Variants in HPCAL1 observed in about 807,000 individuals in gnomAD.
The protein encoded by HPCAL1 is hippocalcin like 1.
HPCAL1 carries 8 observed loss-of-function variants against 17.1 expected under a neutral mutation model. The observed-to-expected ratio is 0.47, with a 90% CI of 0.27 to 0.84. The LOEUF (loss-of-function observed/expected upper bound fraction) is 0.84, where lower values mean the gene tolerates loss of function less well. HPCAL1 is among the 40% of genes least tolerant of loss of function. The probability of loss-of-function intolerance (pLI) is 0.13; values close to 1 mark genes in which losing one functional copy is unlikely to be tolerated. For missense variants in HPCAL1, 165 were observed against 271.1 expected (o/e 0.61, Z 2.75); for synonymous variants, 112 against 111.4 (o/e 1.01, Z -0.03).
intron 1 of HPCAL1, among the ~76,000 whole-genome samples, chr2:10,334,147 C>T (rs959627042): frequency 6.6e-6 from 1 of 152,120 alleles, no homozygotes; most frequent in African/African-American, 2.4e-5. Context: ...TACACATGTG[C>T]GTAACCTTAA....
rs181084592 is a variant in HPCAL1 at position 10,387,168 on chromosome 2, G to A, written c.-110-9667G>A. 6.6e-5 allele frequency among the ~76,000 whole-genome samples: 10 copies of A among 152,372 alleles called. No individual in the cohort carries two copies. In the East Asian group the frequency reaches 9.6e-4, roughly 15 times the overall value. ...CAGTCAAGGGCTCCTGAGGGGACCC[G>A]TAAGTGCCACATTCAGCCTTCTGTG... On this transcript the variant is annotated intron_variant, in intron 1 of 4. Coordinates refer to ENST00000307845, the MANE Select transcript of HPCAL1 (RefSeq NM_002149.4).
At chr2:10,409,547 T>C (rs1670196619) in intron 2 of HPCAL1, among the ~76,000 whole-genome samples, 1 of 152,158 alleles carries the variant, frequency 6.6e-6, no homozygotes, top group Admixed American at 6.5e-5. Flanking sequence ...GGAGAGGGGC[T>C]TAGCTGCAGG....
intron 1 of HPCAL1, among the ~76,000 whole-genome samples, chr2:10,318,979 T>A (rs1663500065): frequency 6.6e-6 from 1 of 152,206 alleles, no homozygotes; most frequent in Middle Eastern, 3.2e-3. Context: ...TCCTCATCTG[T>A]GAAATGGGAA....
chr2:10,404,091 G>A (rs1262949094), intron 2 of HPCAL1, among the ~76,000 whole-genome samples: 1 of 152,150 alleles, frequency 6.6e-6, no homozygotes, highest in African/African-American at 2.4e-5. Context: ...ACCCATGAAG[G>A]TACATGCAGA....
intron 1 of HPCAL1, among the ~76,000 whole-genome samples, chr2:10,375,988 G>A (rs538158491): frequency 2.0e-5 from 3 of 152,342 alleles, no homozygotes; most frequent in Non-Finnish European, 4.4e-5. Flanking sequence ...TTGGATCAGG[G>A]GGGCAGATTC....
At chr2:10,426,611 C>G (rs1671424028) in intron 4 of HPCAL1, 113 bp from the exon 5 acceptor site, 1 of 825,754 alleles carries the variant, frequency 1.2e-6, no homozygotes, top group Non-Finnish European at 2.1e-6. Flanking sequence ...TTCAAGAAGG[C>G]TCAGGACTTT....
chr2:10,399,401 C>G lies in HPCAL1; in HGVS notation c.-25+2481C>G, dbSNP rs1342669377. On this transcript the variant is annotated intron_variant, in intron 2 of 4. Transcript: ENST00000307845. ...CCACCACCACCACCACCACCATCAC[C>G]ACCACCACCACCACCACCACCATCA... is the stretch of plus-strand genomic sequence containing the variant. 8.2e-5 allele frequency among the ~76,000 whole-genome samples: 9 copies of G among 110,052 alleles called. No homozygotes were observed. The East Asian group carries it at 2.2e-3, about 26-fold the overall frequency. 72.2% of individuals were successfully genotyped at this position (110,052 alleles called of 152,430 possible).
chr2:10,419,176 A>G lies in HPCAL1; in HGVS notation c.-24-558A>G, dbSNP rs1218462753. Among the ~76,000 whole-genome samples the G allele has an allele frequency of 6.8e-6, 1 of 147,530 alleles. No individual in the cohort carries two copies. The highest frequency in any genetic ancestry group is 1.5e-5 in the Non-Finnish European group (1 of 67,554). On this transcript the variant is annotated intron_variant, in intron 2 of 4. Coordinates refer to ENST00000307845, the MANE Select transcript of HPCAL1 (RefSeq NM_002149.4). The surrounding 1 kb of genome is among the most constrained non-coding windows in gnomAD (Gnocchi z 5.0). ...CAGTGAGCTGTGATCCTGCTACTGC[A>G]CTGCAGCCTGGGCGACAAGAGCAAA...
rs750998407 is a variant in HPCAL1 at position 10,323,202 on chromosome 2, C to A, written c.-111+20025C>A. Among the ~76,000 whole-genome samples the A allele has an allele frequency of 6.6e-5, 10 of 152,210 alleles. No individual in the cohort carries two copies. The highest frequency in any genetic ancestry group is 1.2e-4 in the Non-Finnish European group (8 of 68,038). ...AGACGCGTTCCCCACGGAGTCCCAG[C>A]GTGTATGCATGGGGTCACGGTGCTC... On this transcript the variant is annotated intron_variant, in intron 1 of 4. Transcript: ENST00000307845. This position sits in a 1 kb window ranked among gnomAD's most constrained non-coding sequence, Gnocchi z 4.6.
At chr2:10,378,248 T>C (rs11686879) in intron 1 of HPCAL1, among the ~76,000 whole-genome samples, 5,802 of 113,730 alleles carry the variant, frequency 0.051, 131 homozygotes, top group Middle Eastern at 0.17. Context: ...TTTTTTTTTT[T>C]ACTGCTTTGA....
At chr2:10,327,974 A>G (rs1200900637) in intron 1 of HPCAL1, among the ~76,000 whole-genome samples, 4 of 152,226 alleles carry the variant, frequency 2.6e-5, no homozygotes, top group Non-Finnish European at 5.9e-5. Flanking sequence ...TAGATTTAGT[A>G]AGTGTAAAAG....
At position 10,407,412 on chromosome 2, in the gene HPCAL1, GT is replaced by G. The variant is rs1315352670; in HGVS notation, c.-25+10494del. Among the ~76,000 whole-genome samples, 10 of 152,310 alleles carry G rather than the reference GT, an allele frequency of 6.6e-5. No homozygotes were observed. In the East Asian group the frequency reaches 1.7e-3, roughly 26 times the overall value. On this transcript the variant is annotated intron_variant, in intron 2 of 4. Transcript: ENST00000307845. ...AAAAGAACCACTCACTCATTGCTTTGTTCATTTGCTCAGGCACTGTGCTAGG... is the reference window on the plus strand; with the variant it reads ...AAAAGAACCACTCACTCATTGCTTTGTCATTTGCTCAGGCACTGTGCTAGG...
intron 1 of HPCAL1, among the ~76,000 whole-genome samples, chr2:10,339,712 A>G (rs1389660037): frequency 1.3e-5 from 2 of 152,180 alleles, no homozygotes; most frequent in Non-Finnish European, 2.9e-5. Flanking sequence ...AGGTCCTCTT[A>G]TTTGTGCTTT....
At chr2:10,347,749 C>T (rs1475508036) in intron 1 of HPCAL1, among the ~76,000 whole-genome samples, 1 of 152,152 alleles carries the variant, frequency 6.6e-6, no homozygotes, top group Non-Finnish European at 1.5e-5. Context: ...CACGGGGATC[C>T]AGTATGAAGC....
At chr2:10,320,736 C>CCATT (rs946914262) in intron 1 of HPCAL1, among the ~76,000 whole-genome samples, 1 of 152,126 alleles carries the variant, frequency 6.6e-6, no homozygotes, top group African/African-American at 2.4e-5. Context: ...GGTGGGGCTC[C>CCATT]CATTCATTCA....
intron 1 of HPCAL1, among the ~76,000 whole-genome samples, chr2:10,319,191 T>G (rs889544762): frequency 3.9e-5 from 6 of 152,200 alleles, no homozygotes; most frequent in Admixed American, 6.5e-5. Context: ...GGGGCTTCCC[T>G]TGTGGAAATT....
chr2:10,388,582 T>C (rs1427502085), intron 1 of HPCAL1, among the ~76,000 whole-genome samples: 2 of 152,236 alleles, frequency 1.3e-5, no homozygotes, highest in Admixed American at 1.3e-4. Flanking sequence ...TGCCCCCAGG[T>C]CCAGGGACTC....
intron 2 of HPCAL1, among the ~76,000 whole-genome samples, chr2:10,412,009 C>T (rs1053356368): frequency 2.0e-5 from 3 of 152,138 alleles, no homozygotes; most frequent in Non-Finnish European, 4.4e-5. Context: ...ACCGCTGAGT[C>T]GCAGTACAGG....
chr2:10,369,687 T>C (rs2125507507), intron 1 of HPCAL1, among the ~76,000 whole-genome samples: 1 of 152,346 alleles, frequency 6.6e-6, no homozygotes, highest in East Asian at 1.9e-4. Context: ...CCTGAGGCCT[T>C]CTTGGAGGAG....
Sources: gnomAD v4.1 joint callset for allele counts (sites outside exome capture counted in the v4.1 genomes callset) on GRCh38, gnomAD v4.1.1 for gene constraint, Gnocchi (gnomAD v3.1) non-coding constraint, MANE v1.5 for transcripts, NCBI Gene and HGNC (gene_info 2026-07-23, HGNC 2026-07-21) for gene names.